The following CHRNA5 variants were observed in gnomAD, a reference collection of about 807,000 sequenced individuals.
The protein encoded by CHRNA5 is neuronal acetylcholine receptor subunit alpha-5.
CHRNA5 carries 28 observed loss-of-function variants against 41.2 expected under a neutral mutation model. The ratio of observed to expected loss-of-function variants is 0.68; its 90% confidence interval spans 0.50 to 0.93. CHRNA5 has a LOEUF of 0.93. CHRNA5 is among the 40% of genes least tolerant of loss of function. CHRNA5 has a pLI of 0.00. For missense variants in CHRNA5, 481 were observed against 581.9 expected (o/e 0.83, Z 1.78); for synonymous variants, 188 against 205.8 (o/e 0.91, Z 0.74).
intron 1 of CHRNA5, among the ~76,000 whole-genome samples, chr15:78,569,816 T>C (rs1261141604): frequency 6.6e-6 from 1 of 151,604 alleles, no homozygotes; most frequent in Admixed American, 6.6e-5. Context: ...GTTTTTTTTG[T>C]TTTTGTTTTT....
At chr15:78,570,945 G>T (rs912692834) in intron 1 of CHRNA5, among the ~76,000 whole-genome samples, 1 of 152,208 alleles carries the variant, frequency 6.6e-6, no homozygotes, top group African/African-American at 2.4e-5. Context: ...GACATTGTCA[G>T]ATGTGCCCTG....
chr15:78,591,492 T>C (rs752296360), intron 5 of CHRNA5, among the ~76,000 whole-genome samples: 2 of 151,798 alleles, frequency 1.3e-5, no homozygotes, highest in Non-Finnish European at 3.0e-5. Context: ...CCTATGACTA[T>C]AGTAATATTT....
rs189368805 is a variant in CHRNA5, at chr15:78,576,570, C to T, written c.107-4241C>T. Among the ~76,000 whole-genome samples the T allele has an allele frequency of 4.5e-4, 69 of 152,050 alleles. 2 individuals are homozygous for T. The highest frequency in any genetic ancestry group is 2.8e-4 in the Non-Finnish European group (19 of 67,962). ...ATTAAGGTGGGAGGATTGCTTGAGC[C>T]CAAGAGTTCAAGACCAGCCTGAGCT... On this transcript the variant is annotated intron_variant, in intron 1 of 5. Coordinates refer to ENST00000299565, the Ensembl canonical transcript of CHRNA5.
rs1178857100 is a variant in CHRNA5 at position 78,588,306 on chromosome 15, T to C, written c.304-8T>C. The C allele has an allele frequency of 2.1e-6, 3 of 1,435,254 alleles. No individual in the cohort carries two copies. Among genetic ancestry groups the C allele is most frequent in the Non-Finnish European group, 1.9e-6 (2 of 1,043,868 alleles). The allele number at this position is 1,435,254 out of a possible 1,614,324, so 88.9% of individuals were successfully genotyped here. A position where few individuals can be genotyped will look rare whatever the true frequency, so the allele number is the denominator to read the frequency against. On this transcript the variant is annotated splice_polypyrimidine_tract_variant and splice_region_variant and intron_variant, in intron 3 of 5. Coordinates refer to ENST00000299565, the Ensembl canonical transcript of CHRNA5. The surrounding 1 kb of genome is among the most constrained non-coding windows in gnomAD (Gnocchi z 4.1). ...ATTGAAATTGAGGCAGATTTCTTTG[T>C]TTTAAAGGAATGGATAGATGTAAAA...
intron 1 of CHRNA5, among the ~76,000 whole-genome samples, chr15:78,570,511 C>T (rs1470189157): frequency 6.9e-6 from 1 of 145,484 alleles, no homozygotes; most frequent in East Asian, 2.1e-4. Flanking sequence ...CTCGAATGAT[C>T]CGCCCGCCTT....
At chr15:78,575,645 A>T (rs941048707) in intron 1 of CHRNA5, among the ~76,000 whole-genome samples, 1 of 152,014 alleles carries the variant, frequency 6.6e-6, no homozygotes, top group Non-Finnish European at 1.5e-5. Flanking sequence ...TTGGTCTATC[A>T]GTTACCATTA....
intron 2 of CHRNA5, among the ~76,000 whole-genome samples, chr15:78,585,960 A>AT (rs5813929): frequency 1.1e-4 from 16 of 147,314 alleles, no homozygotes; most frequent in African/African-American, 2.5e-4. Flanking sequence ...AATTTTTTGT[A>AT]TTTTTTTTTT....
chr15:78,591,529 T>C (rs1480599746), intron 5 of CHRNA5, among the ~76,000 whole-genome samples: 1 of 152,210 alleles, frequency 6.6e-6, no homozygotes, highest in Non-Finnish European at 1.5e-5. Context: ...ATTAAAATTA[T>C]GTGAATTATA....
exon 6 of CHRNA5, chr15:78,595,268 CATCT>C: frequency 2.0e-6 from 2 of 984,276 alleles, no homozygotes; most frequent in Non-Finnish European, 2.4e-6. Context: ...TTTTTATCGA[CATCT>C]TTCTTTTGAC....
exon 5 of CHRNA5, chr15:78,590,608 A>G: frequency 1.9e-6 from 3 of 1,612,672 alleles, no homozygotes; most frequent in African/African-American, 1.3e-5. Flanking sequence ...ATTACAAGAC[A>G]CATCATGAAG....
chr15:78,594,379 T>TA (rs1567067288), exon 6 of CHRNA5: 2 of 152,054 alleles, frequency 1.3e-5, no homozygotes, highest in Admixed American at 6.6e-5. Flanking sequence ...GAACCCCATT[T>TA]AAAAAACATA....
chr15:78,575,482 ATTAT>A (rs2052848459), intron 1 of CHRNA5, among the ~76,000 whole-genome samples: 1 of 152,022 alleles, frequency 6.6e-6, no homozygotes, highest in Non-Finnish European at 1.5e-5. Flanking sequence ...TTGTATTATA[ATTAT>A]TATTATTTGG....
At chr15:78,594,034 A>C (rs1294341125) in exon 6 of CHRNA5, 1 of 152,062 alleles carries the variant, frequency 6.6e-6, no homozygotes, top group Non-Finnish European at 1.5e-5. Flanking sequence ...AGCAAAACTC[A>C]GTCTCAAATA....
chr15:78,580,205 A>G (rs2052897945), intron 1 of CHRNA5, among the ~76,000 whole-genome samples: 1 of 140,088 alleles, frequency 7.1e-6, no homozygotes, highest in Non-Finnish European at 1.5e-5. Context: ...CTTGAATCCC[A>G]GTGGCAGAGG....
At chr15:78,578,289 C>T (rs1441463459) in intron 1 of CHRNA5, among the ~76,000 whole-genome samples, 1 of 152,140 alleles carries the variant, frequency 6.6e-6, no homozygotes, top group African/African-American at 2.4e-5. Flanking sequence ...GGGTGGATCA[C>T]CTAAGGTCAG....
intron 2 of CHRNA5, among the ~76,000 whole-genome samples, chr15:78,582,300 A>G (rs916956691): frequency 1.3e-5 from 2 of 152,126 alleles, no homozygotes; most frequent in African/African-American, 4.8e-5. Flanking sequence ...AGCCTGGCCA[A>G]TATAGCAAAA....
At chr15:78,593,868 C>T (rs2053052835) in exon 6 of CHRNA5, 1 of 151,262 alleles carries the variant, frequency 6.6e-6, no homozygotes, top group South Asian at 2.1e-4. Flanking sequence ...TGGAGAAACC[C>T]CGTCTCTACT....
At chr15:78,593,359 T>G (rs201776618) in exon 6 of CHRNA5, 1 of 1,155,340 alleles carries the variant, frequency 8.7e-7, no homozygotes, top group Non-Finnish European at 1.2e-6. Context: ...GTGCAAGCTT[T>G]AACAGACTAA....
chr15:78,587,362 CA>C (rs2052970193), intron 3 of CHRNA5, among the ~76,000 whole-genome samples: 1 of 151,900 alleles, frequency 6.6e-6, no homozygotes, highest in South Asian at 2.1e-4. Context: ...GAGAAAACAG[CA>C]TTGAGAAGAT....
Sources: allele counts gnomAD v4.1 joint callset (sites outside exome capture counted in the v4.1 genomes callset), GRCh38; gene constraint gnomAD v4.1.1; non-coding constraint Gnocchi (gnomAD v3.1); transcripts MANE v1.5; gene names NCBI Gene and HGNC (gene_info 2026-07-23, HGNC 2026-07-21).